ZNF177: variants seen among roughly 807,000 people sequenced by gnomAD.
ZNF177 encodes zinc finger protein 177.
A neutral mutation model predicts 19.4 loss-of-function variants in ZNF177; 17 were observed. That is an observed-to-expected ratio of 0.87 (90% confidence interval 0.60 to 1.31). ZNF177 has a LOEUF of 1.31. Ranked by LOEUF, ZNF177 falls within the 40% of genes most tolerant of loss-of-function variation. The pLI, the probability that ZNF177 is intolerant of heterozygous loss-of-function variation, is 0.00. For missense variants in ZNF177, 633 were observed against 561.8 expected (o/e 1.13, Z -1.28); for synonymous variants, 220 against 188.7 (o/e 1.17, Z -1.36).
In ZNF177 at chr19:9,381,505, G is replaced by GGAGAGAAGCC. The variant is rs1326913807; in HGVS notation, c.1175_1184dup (p.Tyr396ArgfsTer5). 6.2e-7 allele frequency: 1 copy of GGAGAGAAGCC among 1,614,188 alleles called. No homozygotes were observed. On this transcript the variant is annotated frameshift_variant, in exon 6 of 6. Coordinates refer to ENST00000589262, the Ensembl canonical transcript of ZNF177. LOFTEE classifies it low-confidence loss of function (END_TRUNC). ...TAAGAAACACACACGCTCTCACACT[G>GGAGAGAAGCC]GAGAGAAGCCTTATGAGTGTAACCA...
At chr19:9,378,878 T>G in intron 2 of ZNF177, 84 bp from the exon 5 acceptor site, 1 of 1,495,964 alleles carries the variant, frequency 6.7e-7, no homozygotes, top group South Asian at 1.4e-5. Flanking sequence ...TCCTCTCCAG[T>G]CCTGTCAGCC....
chr19:9,368,054 A>G (rs1307615017), intron 2 of ZNF177, among the ~76,000 whole-genome samples: 1 of 152,244 alleles, frequency 6.6e-6, no homozygotes, highest in African/African-American at 2.4e-5. Context: ...TGAGTGGCAT[A>G]ACTGACTGAT....
exon 6 of ZNF177, chr19:9,381,976 C>G (rs2068210497): frequency 1.3e-6 from 1 of 751,754 alleles, no homozygotes; most frequent in South Asian, 2.5e-5. Context: ...ATATGTGTCA[C>G]AACTGTAGAT....
At position 9,364,855 on chromosome 19, in the gene ZNF177, T is replaced by C. The variant is rs1357540812; in HGVS notation, c.-391-7T>C. The C allele has an allele frequency of 6.6e-6, 1 of 152,148 alleles. No individual in the cohort carries two copies. The highest frequency in any genetic ancestry group is 1.5e-5 in the Non-Finnish European group (1 of 68,026). 9.4% of individuals were successfully genotyped at this position (152,148 alleles called of 1,614,324 possible). ...ATCTACAAGCAACCTTTCACTGTTATTTTCAGGGCTGGGTATAAGTAAGCA... is the reference window on the plus strand; with the variant it reads ...ATCTACAAGCAACCTTTCACTGTTACTTTCAGGGCTGGGTATAAGTAAGCA... On this transcript the variant is annotated splice_polypyrimidine_tract_variant and splice_region_variant and intron_variant, in intron 1 of 8. Transcript: ENST00000343499.
At chr19:9,381,317 T>C (rs952525121) in exon 6 of ZNF177, 2 of 1,613,928 alleles carry the variant, frequency 1.2e-6, no homozygotes, top group African/African-American at 2.7e-5. Context: ...CATCTGAATG[T>C]GCACAAAAGA....
chr19:9,375,310 T>G (rs1292551518), upstream of ZNF177, among the ~76,000 whole-genome samples: 3 of 152,162 alleles, frequency 2.0e-5, no homozygotes, highest in East Asian at 5.8e-4. Context: ...GCTCTTACAG[T>G]GTTTGTCTGG....
chr19:9,378,365 T>C (rs1475751951), intron 2 of ZNF177, 21 bp downstream of exon 4: 2 of 1,613,364 alleles, frequency 1.2e-6, no homozygotes, highest in East Asian at 2.2e-5. Context: ...AATTTCTCTA[T>C]TTCCAAAAGC....
exon 6 of ZNF177, chr19:9,381,680 A>G (rs143880891): frequency 1.9e-6 from 3 of 1,614,220 alleles, no homozygotes; most frequent in African/African-American, 1.3e-5. Flanking sequence ...ACTGGAGAGA[A>G]GCCTTATAAA....
At chr19:9,366,267 C>T (rs570145812) in intron 2 of ZNF177, among the ~76,000 whole-genome samples, 2 of 152,250 alleles carry the variant, frequency 1.3e-5, no homozygotes, top group South Asian at 4.1e-4. Flanking sequence ...AGGCGTGAGC[C>T]ACCGTGCCTA....
At chr19:9,376,024 C>T (rs147242468), upstream of ZNF177, among the ~76,000 whole-genome samples, 28 of 152,240 alleles carry the variant, frequency 1.8e-4, no homozygotes, top group East Asian at 4.2e-3. Context: ...TTTTTACTTT[C>T]GGGCTACATG....
rs150348399 is a variant in ZNF177 at position 9,379,054 on chromosome 19, G to C, written c.126G>C (p.Val42=). ...CTCAAAAAAATCTATACAAAGATGT[G>C]ATGCTGGAGAACTTTAGGAACCTGG... The change falls in exon 3 of 6, where the codon GTG becomes GTC. Residue 42 remains valine, a synonymous_variant. Coordinates refer to ENST00000589262, the Ensembl canonical transcript of ZNF177. 1.2e-4 allele frequency: 190 copies of C among 1,609,616 alleles called. No individual in the cohort carries two copies. In the East Asian group the frequency reaches 2.1e-3, roughly 18 times the overall value.
At chr19:9,379,779 AAG>A in intron 4 of ZNF177, 160 bp downstream of exon 6, 13 of 936,470 alleles carry the variant, frequency 1.4e-5, no homozygotes, top group Non-Finnish European at 2.0e-5. Flanking sequence ...GTCTCCGAGA[AAG>A]AAGTTTTAAT....
intron 5 of ZNF177, 166 bp from the exon 8 acceptor site, chr19:9,380,502 G>A (rs757182236): frequency 1.9e-5 from 27 of 1,407,954 alleles, no homozygotes; most frequent in South Asian, 6.6e-5. Context: ...TATTCAACTC[G>A]AAAAAGCTAA....
At chr19:9,380,239 C>A in intron 5 of ZNF177, 100 bp downstream of exon 7, 1 of 1,352,890 alleles carries the variant, frequency 7.4e-7, no homozygotes. Context: ...AGAATTCAGG[C>A]ACCAGGCTTT....
chr19:9,372,564 TGAGATG>T (rs1199418414), upstream of ZNF177, among the ~76,000 whole-genome samples: 3 of 130,424 alleles, frequency 2.3e-5, no homozygotes, highest in East Asian at 6.4e-4. Context: ...TTTTTTTTTT[TGAGATG>T]GAGTCTTGCT....
chr19:9,379,295 A>G (rs764634554), intron 3 of ZNF177: 28 of 1,092,934 alleles, frequency 2.6e-5, no homozygotes, highest in Non-Finnish European at 3.1e-5. Flanking sequence ...GTAATTTGCA[A>G]TCTGTGTCTC....
rs368850995 is a variant in ZNF177, at chr19:9,379,519, G to C, written c.161-8G>C. 2.5e-6 allele frequency: 4 copies of C among 1,611,874 alleles called. No individual in the cohort carries two copies. The highest frequency in any genetic ancestry group is 3.4e-5 in the Admixed American group (2 of 59,454). On this transcript the variant is annotated splice_region_variant and splice_polypyrimidine_tract_variant and intron_variant, in intron 3 of 5. Coordinates refer to ENST00000589262, the Ensembl canonical transcript of ZNF177. ...TTTCTCCCACATCCTTGCTTTCTGCGTGAGCAGGGTATCAGCTCTGCAGAC... is the reference window on the plus strand; with the variant it reads ...TTTCTCCCACATCCTTGCTTTCTGCCTGAGCAGGGTATCAGCTCTGCAGAC...
At chr19:9,365,297 A>G (rs1007634045) in intron 2 of ZNF177, among the ~76,000 whole-genome samples, 1 of 151,978 alleles carries the variant, frequency 6.6e-6, no homozygotes. Context: ...AAGCTTGCCC[A>G]TAGTGAAGGA....
chr19:9,366,092 C>T (rs964828520), intron 2 of ZNF177, among the ~76,000 whole-genome samples: 2 of 152,148 alleles, frequency 1.3e-5, no homozygotes, highest in African/African-American at 4.8e-5. Flanking sequence ...AAGTGATTCT[C>T]CTGCCTCAGC....
Sources: allele counts gnomAD v4.1 joint callset (sites outside exome capture counted in the v4.1 genomes callset), GRCh38; gene constraint gnomAD v4.1.1; transcripts MANE v1.5; gene names NCBI Gene and HGNC (gene_info 2026-07-23, HGNC 2026-07-21).